Variants in KMT2C observed in about 807,000 individuals in gnomAD.
KMT2C encodes the protein lysine methyltransferase 2C, also known as histone-lysine N-methyltransferase 2C.
A neutral mutation model predicts 507.9 loss-of-function variants in KMT2C; 88 were observed. That is an observed-to-expected ratio of 0.17 (90% CI 0.15 to 0.21). The LOEUF is 0.21. Ranked by LOEUF, KMT2C falls within the 10% of genes least tolerant of loss-of-function variation. KMT2C has a pLI of 1.00. For missense variants in KMT2C, 4,954 were observed against 5,957.8 expected, an observed-to-expected ratio of 0.83 and a Z score of 5.55; for synonymous variants, 2,049 against 2,080.8, an observed-to-expected ratio of 0.98 and a Z score of 0.42.
intron 2 of KMT2C, among the ~76,000 whole-genome samples, chr7:152,355,406 C>T (rs182925817): frequency 8.6e-5 from 13 of 152,014 alleles, no homozygotes; most frequent in Admixed American, 2.6e-4. Context: ...GAGCTGGTGA[C>T]GTAATTTTAG....
intron 1 of KMT2C, among the ~76,000 whole-genome samples, chr7:152,381,746 G>T (rs939281555): frequency 1.7e-4 from 26 of 152,124 alleles, no homozygotes; most frequent in African/African-American, 5.8e-4. Flanking sequence ...TTCTCCTTCT[G>T]ACACTGACTG....
chr7:152,251,583 G>A (rs189035338), intron 11 of KMT2C, among the ~76,000 whole-genome samples: 22 of 152,078 alleles, frequency 1.4e-4, no homozygotes, highest in African/African-American at 5.3e-4. Context: ...ACTTAAGAAG[G>A]ACATTACAAA....
At chr7:152,395,281 C>G (rs2097530521) in intron 1 of KMT2C, among the ~76,000 whole-genome samples, 1 of 151,584 alleles carries the variant, frequency 6.6e-6, no homozygotes, top group East Asian at 2.0e-4. Context: ...ACCTTTTGGG[C>G]TCAAGTAATC....
chr7:152,154,737 T>A (rs2091916693), intron 46 of KMT2C, among the ~76,000 whole-genome samples: 1 of 152,038 alleles, frequency 6.6e-6, no homozygotes, highest in South Asian at 2.1e-4. Flanking sequence ...ATAGAGAGCA[T>A]GAAAGCACCT....
rs148583689 is a variant in KMT2C, at chr7:152,187,765, G to A, written c.4743C>T (p.Ser1581=). 13 of 1,613,874 alleles carry A rather than the reference G, an allele frequency of 8.1e-6. No individual in the cohort carries two copies. Among genetic ancestry groups the A allele is most frequent in the East Asian group, 6.7e-5 (3 of 44,880 alleles). ...CAATTGCAGAGAAAGTTCCCAGTCCGCTTCCAGGTGGCAAAGAATTATGTG... is the reference window on the plus strand; with the variant it reads ...CAATTGCAGAGAAAGTTCCCAGTCCACTTCCAGGTGGCAAAGAATTATGTG... ...HLPHNSLPPG[S]GLGTFSAIAQ... is the part of the protein sequence containing the mutation. The change falls in exon 32 of 59, where the codon AGC becomes AGT. Residue 1581 remains serine, a synonymous_variant. Transcript: ENST00000262189.
At position 152,181,964 on chromosome 7, in the gene KMT2C, G is replaced by A. The variant is rs773348724; in HGVS notation, c.5896C>T (p.Pro1966Ser). ...ATCACAGGCCTAGGTGTGTCTGGAG[G>A]TTTTGCATAGGGGTCATTATTTGTC... is the stretch of plus-strand genomic sequence containing the variant. ...STTNNDPYAK[P>S]PDTPRPVMTD... The change falls in exon 36 of 59, where the codon CCT becomes TCT. Residue 1966 changes from proline to serine, a missense_variant. By Grantham distance (74) the Pro-to-Ser change is moderately conservative. Coordinates refer to ENST00000262189, the MANE Select transcript of KMT2C (RefSeq NM_170606.3). 7.4e-6 allele frequency: 12 copies of A among 1,614,054 alleles called. No homozygotes were observed. The highest frequency in any genetic ancestry group is 1.0e-5 in the Non-Finnish European group (12 of 1,180,030).
Position 152,158,849 on chromosome 7 carries a change from T to C in KMT2C, c.11670+14A>G, listed in dbSNP as rs775874901. 2.5e-6 allele frequency: 4 copies of C among 1,612,698 alleles called. No homozygotes were observed. The highest frequency in any genetic ancestry group is 2.5e-6 in the Non-Finnish European group (3 of 1,178,782). ...GACTTTTAAAAGAGGCTGCTCTAAA[T>C]GACTCACCCTCACCTGTTTCAAGTG... On this transcript the variant is annotated intron_variant, in intron 44 of 58. Coordinates refer to ENST00000262189, the MANE Select transcript of KMT2C (RefSeq NM_170606.3).
At chr7:152,233,916 T>TCTGAGGCCAGGAGTTCGAGACCAG (rs1563512483) in intron 16 of KMT2C, among the ~76,000 whole-genome samples, 1 of 151,802 alleles carries the variant, frequency 6.6e-6, no homozygotes, top group Non-Finnish European at 1.5e-5. Context: ...AGACGGATCA[T>TCTGAGGCCAGGAGTTCGAGACCAG]CTGAGGCCAG....
Position 152,167,192 on chromosome 7 carries a change from T to G in KMT2C, c.9704A>C (p.Lys3235Thr), listed in dbSNP as rs747663041. The change falls in exon 42 of 59, where the codon AAG (lysine) becomes ACG (threonine). Residue 3235 changes from lysine to threonine, a missense_variant. By Grantham distance (78) the Lys-to-Thr change is moderately conservative (BLOSUM62 -1). This residue lies in a region of KMT2C where 71 missense variants were observed against 139.2 expected (regional missense o/e 0.51). Transcript: ENST00000262189. ...CATGCTTTGCTGTTCAGTAACATGC[T>G]TGAGTTGTTCTGCATCTTCCTCTGG... ...EFPEEDAEQL[K>T]HVTEQQSMVQ... 6.2e-7 allele frequency: 1 copy of G among 1,614,212 alleles called. No individual in the cohort carries two copies. Among genetic ancestry groups the G allele is most frequent in the Non-Finnish European group, 8.5e-7 (1 of 1,180,040 alleles).
intron 39 of KMT2C, among the ~76,000 whole-genome samples, chr7:152,172,164 C>G (rs2092992459): frequency 6.6e-6 from 1 of 152,060 alleles, no homozygotes; most frequent in African/African-American, 2.4e-5. Context: ...GTCACCCTAC[C>G]CACTGCTACA....
At chr7:152,253,514 C>CCAA (rs1300641123) in intron 9 of KMT2C, among the ~76,000 whole-genome samples, 4 of 39,510 alleles carry the variant, frequency 1.0e-4, no homozygotes, top group Non-Finnish European at 2.1e-4. Flanking sequence ...TCTTTCTCTA[C>CCAA]AAAAAAAAAA....
intron 23 of KMT2C, among the ~76,000 whole-genome samples, chr7:152,211,579 G>A (rs1377076077): frequency 6.6e-6 from 1 of 152,196 alleles, no homozygotes; most frequent in African/African-American, 2.4e-5. Flanking sequence ...TAAAAACCAA[G>A]AGAGCACTTT....
At chr7:152,414,124 T>C (rs201475668) in intron 1 of KMT2C, among the ~76,000 whole-genome samples, 13 of 138,990 alleles carry the variant, frequency 9.4e-5, no homozygotes, top group East Asian at 4.5e-4. Flanking sequence ...GCAGGAGAAT[T>C]GCTTGAACCC....
chr7:152,216,222 G>A (rs1385886747), intron 23 of KMT2C, among the ~76,000 whole-genome samples: 1 of 152,130 alleles, frequency 6.6e-6, no homozygotes, highest in Non-Finnish European at 1.5e-5. Context: ...TTGAGGTATG[G>A]GATTTTTTTC....
Position 152,177,993 on chromosome 7 carries a change from C to T in KMT2C, c.7460G>A (p.Gly2487Asp), listed in dbSNP as rs199850926. 32 of 1,158,496 alleles carry T rather than the reference C, an allele frequency of 2.8e-5. No homozygotes were observed. In the Admixed American group the frequency reaches 4.7e-4, roughly 17 times the overall value. The allele number at this position is 1,158,496 out of a possible 1,614,324, so 71.8% of individuals were successfully genotyped here. Residue 2487 changes from glycine to aspartate, a missense_variant, in exon 38 of 59, where the codon GGT becomes GAT. Gly to Asp is a moderately conservative substitution (Grantham distance 94, BLOSUM62 -1). Around this residue, in one of 29 missense-constraint regions of KMT2C, gnomAD observed 1,689 missense variants for 1,654.3 expected, o/e 1.02. Coordinates refer to ENST00000262189, the MANE Select transcript of KMT2C (RefSeq NM_170606.3). ...TTGACTCGGCATGGTACCATGACTA[C>T]CTCCTGGAAATCCAAATCTTTTAAA... ...PHGFRFGFPG[G>D]SHGTMPSQER...
At chr7:152,149,522 T>C (rs1305758435) in intron 51 of KMT2C, among the ~76,000 whole-genome samples, 1 of 152,216 alleles carries the variant, frequency 6.6e-6, no homozygotes, top group African/African-American at 2.4e-5. Flanking sequence ...CTAATATAAT[T>C]TGTACAATGG....
At chr7:152,324,281 A>G (rs2096803442) in intron 3 of KMT2C, among the ~76,000 whole-genome samples, 1 of 151,172 alleles carries the variant, frequency 6.6e-6, no homozygotes, top group Admixed American at 6.6e-5. Flanking sequence ...CATTAAAAGT[A>G]ATGGCAAAAA....
At chr7:152,264,737 C>A (rs79928112) in intron 8 of KMT2C, among the ~76,000 whole-genome samples, 1 of 150,768 alleles carries the variant, frequency 6.6e-6, no homozygotes, top group African/African-American at 2.4e-5. Flanking sequence ...AAATTGTTGG[C>A]AAATTTAAAT....
intron 40 of KMT2C, among the ~76,000 whole-genome samples, chr7:152,170,540 T>G (rs73481010): frequency 0.05 from 7,601 of 152,272 alleles, 314 homozygotes; most frequent in East Asian, 0.17. Context: ...TCTCGCTCTG[T>G]CACCCAAGCT....
Sources: allele counts gnomAD v4.1 joint callset (sites outside exome capture counted in the v4.1 genomes callset), GRCh38; gene constraint gnomAD v4.1.1; regional missense constraint gnomAD v4.1.1; transcripts MANE v1.5; gene names NCBI Gene and HGNC (gene_info 2026-07-23, HGNC 2026-07-21).